The following SCHIP1 variants were observed in gnomAD, a reference collection of about 807,000 sequenced individuals.
The protein encoded by SCHIP1 is schwannomin interacting protein 1, also known as schwannomin-interacting protein 1.
SCHIP1 carries 8 observed loss-of-function variants against 29.7 expected under a neutral mutation model. That is an observed-to-expected ratio of 0.27 (90% CI 0.16 to 0.49). The LOEUF (loss-of-function observed/expected upper bound fraction) is 0.49. SCHIP1 is among the 20% of genes least tolerant of loss of function. The pLI, the probability that SCHIP1 is intolerant of heterozygous loss-of-function variation, is 0.99. For synonymous variants in SCHIP1, 76 were observed against 94.9 expected, an observed-to-expected ratio of 0.80 and a Z score of 1.16; for missense variants, 193 against 294.6, an observed-to-expected ratio of 0.66 and a Z score of 2.52.
the SCHIP1 span, among the ~76,000 whole-genome samples, chr3:159,794,736 G>T: frequency 1.3e-5 from 2 of 152,228 alleles, no homozygotes; most frequent in South Asian, 4.1e-4. Context: ...GGCCCTCCAT[G>T]GCACAAAAAT....
chr3:159,845,495 C>T (rs1711673940), intron 1 of SCHIP1: 1 of 151,932 alleles, frequency 6.6e-6, no homozygotes, highest in Non-Finnish European at 1.5e-5. Flanking sequence ...ATTCTCCCAC[C>T]TTAGCCTCCT....
the SCHIP1 span, among the ~76,000 whole-genome samples, chr3:159,671,409 G>T: frequency 2.0e-5 from 3 of 151,992 alleles, no homozygotes; most frequent in Admixed American, 2.0e-4. Flanking sequence ...CCTCCTTCTC[G>T]GTCCAGGTAT....
At chr3:159,588,420 G>C in the SCHIP1 span, among the ~76,000 whole-genome samples, 10 of 152,322 alleles carry the variant, frequency 6.6e-5, no homozygotes, top group Non-Finnish European at 1.0e-4. Flanking sequence ...TAGGTTGCCA[G>C]TTCACTCTGA....
chr3:159,540,410 G>GA, the SCHIP1 span, among the ~76,000 whole-genome samples: 1 of 152,016 alleles, frequency 6.6e-6, no homozygotes, highest in Admixed American at 6.6e-5. Flanking sequence ...ATTTGGAGCT[G>GA]AAAACTAGTG....
the SCHIP1 span, among the ~76,000 whole-genome samples, chr3:159,615,330 T>C: frequency 6.6e-6 from 1 of 152,190 alleles, no homozygotes; most frequent in Admixed American, 6.5e-5. Flanking sequence ...CAATTTGGGA[T>C]TTTAAGCAAG....
At chr3:159,537,109 A>G in the SCHIP1 span, among the ~76,000 whole-genome samples, 4 of 152,170 alleles carry the variant, frequency 2.6e-5, no homozygotes, top group Non-Finnish European at 5.9e-5. Flanking sequence ...AGCCAGAAAA[A>G]AAGAAATGCA....
chr3:159,520,811 G>A, the SCHIP1 span, among the ~76,000 whole-genome samples: 23 of 152,078 alleles, frequency 1.5e-4, no homozygotes, highest in East Asian at 3.7e-3. Flanking sequence ...TTGTGTTTAC[G>A]TAATTACAGA....
the SCHIP1 span, among the ~76,000 whole-genome samples, chr3:159,682,455 T>C: frequency 6.6e-6 from 1 of 152,148 alleles, no homozygotes; most frequent in Non-Finnish European, 1.5e-5. Context: ...TATTTACATA[T>C]TGGGTACAGT....
the SCHIP1 span, among the ~76,000 whole-genome samples, chr3:159,410,541 T>A: frequency 6.6e-6 from 1 of 152,170 alleles, no homozygotes; most frequent in South Asian, 2.1e-4. Context: ...TCAACATCAC[T>A]GATCATCAGA....
the SCHIP1 span, among the ~76,000 whole-genome samples, chr3:159,601,874 C>G: frequency 2.6e-4 from 40 of 152,328 alleles, no homozygotes; most frequent in African/African-American, 9.6e-4. Context: ...GTAATGTCAG[C>G]AAAAGCTCCT....
the SCHIP1 span, among the ~76,000 whole-genome samples, chr3:159,428,228 C>T: frequency 6.6e-6 from 1 of 152,108 alleles, no homozygotes; most frequent in African/African-American, 2.4e-5. Context: ...TTCTGCACAG[C>T]AAAAGAAGCT....
At chr3:159,408,820 C>A in the SCHIP1 span, among the ~76,000 whole-genome samples, 1 of 152,158 alleles carries the variant, frequency 6.6e-6, no homozygotes, top group African/African-American at 2.4e-5. Flanking sequence ...CAAAACCAGA[C>A]AAAGACACAT....
At chr3:159,670,844 C>A in the SCHIP1 span, among the ~76,000 whole-genome samples, 1 of 151,832 alleles carries the variant, frequency 6.6e-6, no homozygotes, top group Non-Finnish European at 1.5e-5. Context: ...TAGTGTTCTC[C>A]CTCTCTTGCT....
At chr3:159,616,751 T>C in the SCHIP1 span, among the ~76,000 whole-genome samples, 26 of 152,098 alleles carry the variant, frequency 1.7e-4, no homozygotes, top group Non-Finnish European at 3.5e-4. Flanking sequence ...AACATGTCCC[T>C]TGCAAGTTGG....
At chr3:159,883,253 G>A (rs982295138) in intron 2 of SCHIP1, among the ~76,000 whole-genome samples, 2 of 152,182 alleles carry the variant, frequency 1.3e-5, no homozygotes, top group Admixed American at 6.5e-5. Flanking sequence ...TGAGGATCGT[G>A]TTCTGTTTTC....
the SCHIP1 span, among the ~76,000 whole-genome samples, chr3:159,304,151 TG>T: frequency 1.0e-3 from 153 of 152,326 alleles, 1 homozygote; most frequent in Non-Finnish European, 1.8e-3. Flanking sequence ...CTGAGAATGA[TG>T]ATTCTTTCAC....
the SCHIP1 span, among the ~76,000 whole-genome samples, chr3:159,356,208 T>TA: frequency 0.019 from 2,701 of 144,726 alleles, 30 homozygotes; most frequent in African/African-American, 0.034. Flanking sequence ...TAAAGTATAA[T>TA]AAAAAAAAAA....
At chr3:159,809,535 T>C in the SCHIP1 span, among the ~76,000 whole-genome samples, 1 of 152,116 alleles carries the variant, frequency 6.6e-6, no homozygotes, top group Non-Finnish European at 1.5e-5. Flanking sequence ...TTTCTAGTTC[T>C]AGATCCTTGA....
chr3:159,735,302 T>C, the SCHIP1 span, among the ~76,000 whole-genome samples: 2 of 151,796 alleles, frequency 1.3e-5, no homozygotes, highest in African/African-American at 4.8e-5. Context: ...TTATCTCAGC[T>C]CACTGCAACC....
Sources: gnomAD v4.1 joint callset for allele counts (sites outside exome capture counted in the v4.1 genomes callset) on GRCh38, gnomAD v4.1.1 for gene constraint, MANE v1.5 for transcripts, NCBI Gene and HGNC (gene_info 2026-07-23, HGNC 2026-07-21) for gene names.